Variants in ADH1C observed in about 807,000 individuals in gnomAD.
ADH1C encodes alcohol dehydrogenase 1C.
In ADH1C, 26 loss-of-function variants were observed where a neutral mutation model predicts 35.0. The ratio of observed to expected loss-of-function variants is 0.74; its 90% CI spans 0.54 to 1.03. The LOEUF is 1.03. ADH1C is among the 50% of genes least tolerant of loss of function. ADH1C has a pLI of 0.00. For missense variants in ADH1C, 413 were observed against 465.4 expected, an observed-to-expected ratio of 0.89 and a Z score of 1.04; for synonymous variants, 170 against 169.3, an observed-to-expected ratio of 1.00 and a Z score of -0.03.
chr4:99,338,862 A>T (rs1415695924), intron 8 of ADH1C, among the ~76,000 whole-genome samples: 2 of 151,768 alleles, frequency 1.3e-5, no homozygotes, highest in East Asian at 3.9e-4. Context: ...ATAACTGCCT[A>T]TTTCCAGTTA....
intron 1 of ADH1C, among the ~76,000 whole-genome samples, 171 bp from the exon 2 acceptor site, chr4:99,348,017 A>G (rs1466796335): frequency 6.6e-6 from 1 of 152,262 alleles, no homozygotes; most frequent in Non-Finnish European, 1.5e-5. Flanking sequence ...ATCTTTTAAA[A>G]AAGCAATAAC....
intron 1 of ADH1C, among the ~76,000 whole-genome samples, chr4:99,349,295 A>G (rs13125415): frequency 0.31 from 46,059 of 148,228 alleles, 8,432 homozygotes; most frequent in Non-Finnish European, 0.41. Context: ...ATCTTGAATT[A>G]ATTTTTGTAT....
intron 6 of ADH1C, among the ~76,000 whole-genome samples, chr4:99,342,221 A>G (rs1023421687): frequency 6.6e-6 from 1 of 152,126 alleles, no homozygotes; most frequent in Non-Finnish European, 1.5e-5. Flanking sequence ...CATTCAGTCC[A>G]AGTAATACTG....
chr4:99,347,119 G>A lies in ADH1C; in HGVS notation c.146C>T (p.Ser49Leu). 1 of 1,613,924 alleles carries A rather than the reference G, an allele frequency of 6.2e-7. No homozygotes were observed. Among genetic ancestry groups the A allele is most frequent in the Non-Finnish European group, 8.5e-7 (1 of 1,179,948 alleles). Reference sequence around the variant, plus strand: ...GTTGCCACTAACCACATGCTCATCTGAACGACAGATTCCTGCAGCCACCAT... The same window carrying A: ...GTTGCCACTAACCACATGCTCATCTAAACGACAGATTCCTGCAGCCACCAT... ...IKMVAAGICR[S>L]DEHVVSGNLV... is the part of the protein sequence containing the mutation. Residue 49 changes from serine (S) to leucine (L), a missense_variant, in exon 3 of 9, where the codon TCA (serine) becomes TTA (leucine). By Grantham distance (145) the Ser-to-Leu change is moderately radical. Coordinates refer to ENST00000515683, the MANE Select transcript of ADH1C (RefSeq NM_000669.5).
intron 8 of ADH1C, among the ~76,000 whole-genome samples, chr4:99,337,383 G>C (rs780459561): frequency 5.3e-5 from 8 of 152,042 alleles, no homozygotes; most frequent in Non-Finnish European, 1.2e-4. Context: ...GACCATGCTG[G>C]AGGTTTAATA....
chr4:99,352,330 A>G lies in ADH1C; in HGVS notation c.18+328T>C, dbSNP rs565299377. ...CTAACTTTAGGTTTACAAATCAGTC[A>G]TGATTAGCTTGGAATAAACTATCAC... is the stretch of plus-strand genomic sequence containing the variant. On this transcript the variant is annotated intron_variant, in intron 1 of 8. Coordinates refer to ENST00000515683, the MANE Select transcript of ADH1C (RefSeq NM_000669.5). 3.3e-5 allele frequency among the ~76,000 whole-genome samples: 5 copies of G among 152,342 alleles called. No homozygotes were observed. The East Asian group carries it at 7.7e-4, about 23-fold the overall frequency.
At chr4:99,339,512 G>GCACCCCCCCC (rs1203375085) in intron 8 of ADH1C, 65 bp downstream of exon 8, 1 of 687,674 alleles carries the variant, frequency 1.5e-6, no homozygotes, top group African/African-American at 2.0e-5. Context: ...GCTAGACAAC[G>GCACCCCCCCC]CCCCCCCCCC....
At chr4:99,349,805 C>CTG (rs70956001) in intron 1 of ADH1C, among the ~76,000 whole-genome samples, 15,651 of 84,374 alleles carry the variant, frequency 0.19, 915 homozygotes, top group Non-Finnish European at 0.29. Context: ...ATGTGTGTTT[C>CTG]TGTGTGTGTG....
At chr4:99,341,500 G>T (rs1734414442) in intron 6 of ADH1C, among the ~76,000 whole-genome samples, 1 of 152,168 alleles carries the variant, frequency 6.6e-6, no homozygotes, top group African/African-American at 2.4e-5. Context: ...AATGGAGGAA[G>T]ATATAGAAAA....
intron 5 of ADH1C, among the ~76,000 whole-genome samples, chr4:99,344,355 T>C (rs1734479270): frequency 6.6e-6 from 1 of 152,194 alleles, no homozygotes. Context: ...TTTATTACTT[T>C]CCGTCTAAGA....
intron 1 of ADH1C, among the ~76,000 whole-genome samples, chr4:99,348,891 T>G: frequency 6.6e-6 from 1 of 151,844 alleles, no homozygotes; most frequent in Non-Finnish European, 1.5e-5. Context: ...TGATGAACAT[T>G]TTTTCATGTG....
rs1206631658 is a variant in ADH1C at position 99,340,592 on chromosome 4, T to C, written c.947A>G (p.Lys316Arg). The C allele has an allele frequency of 1.9e-6, 3 of 1,614,150 alleles. No homozygotes were observed. Among genetic ancestry groups the C allele is most frequent in the Non-Finnish European group, 2.5e-6 (3 of 1,180,010 alleles). Residue 316 changes from lysine (K) to arginine (R), a missense_variant, in exon 7 of 9, where the codon AAA becomes AGA. Transcript: ENST00000515683. ...CTACATACCTCCAAAAATAGCTCCT[T>C]TCCACGTGCGTCCAGTCAGTAGCAG... is the stretch of plus-strand genomic sequence containing the variant. ...PMLLLTGRTW[K>R]GAIFGGFKSK... is the part of the protein sequence containing the mutation.
intron 7 of ADH1C, among the ~76,000 whole-genome samples, chr4:99,340,337 C>A (rs1251482000): frequency 6.6e-6 from 1 of 152,136 alleles, no homozygotes; most frequent in Non-Finnish European, 1.5e-5. Context: ...TCACTTGAAC[C>A]TGTGAGGTGG....
At chr4:99,347,436 G>T (rs1475327604) in intron 2 of ADH1C, among the ~76,000 whole-genome samples, 2 of 152,078 alleles carry the variant, frequency 1.3e-5, no homozygotes, top group African/African-American at 2.4e-5. Context: ...AAAAGAAGTA[G>T]AAATTGCAAA....
intron 6 of ADH1C, among the ~76,000 whole-genome samples, chr4:99,341,027 C>T (rs1418507216): frequency 6.6e-6 from 1 of 152,178 alleles, no homozygotes; most frequent in Non-Finnish European, 1.5e-5. Context: ...GTACATCATT[C>T]TTAGGCAATG....
In ADH1C at chr4:99,345,332, C is replaced by A. The variant is rs556714464; in HGVS notation, c.260-66G>T. ...AGGAATTAATAGAGCAAAAACTTAACGCTCACATGTATAGATTAGAATTAT... is the reference window on the plus strand; with the variant it reads ...AGGAATTAATAGAGCAAAAACTTAAAGCTCACATGTATAGATTAGAATTAT... On this transcript the variant is annotated intron_variant, in intron 3 of 8. Coordinates refer to ENST00000515683, the MANE Select transcript of ADH1C (RefSeq NM_000669.5). 27 of 1,422,600 alleles carry A rather than the reference C, an allele frequency of 1.9e-5. No individual in the cohort carries two copies. The Admixed American group carries it at 5.1e-4, about 27-fold the overall frequency. 88.1% of individuals were successfully genotyped at this position (1,422,600 alleles called of 1,614,324 possible).
At position 99,339,721 on chromosome 4, in the gene ADH1C, A is replaced by G; in HGVS notation, c.965-6T>C. ...AGATTCTTTACTCTTAAAGCCTGAA[A>G]AGAAGAAAATATCATTGATAGATTC... On this transcript the variant is annotated splice_region_variant and splice_polypyrimidine_tract_variant and intron_variant, in intron 7 of 8. Coordinates refer to ENST00000515683, the MANE Select transcript of ADH1C (RefSeq NM_000669.5). 1 of 1,602,256 alleles carries G rather than the reference A, an allele frequency of 6.2e-7. No individual in the cohort carries two copies. Among genetic ancestry groups the G allele is most frequent in the Non-Finnish European group, 8.5e-7 (1 of 1,176,728 alleles).
intron 8 of ADH1C, among the ~76,000 whole-genome samples, chr4:99,338,034 G>T (rs1016691950): frequency 6.6e-6 from 1 of 151,748 alleles, no homozygotes; most frequent in Admixed American, 6.6e-5. Flanking sequence ...AAATGGTATT[G>T]CTGGAACAAA....
intron 1 of ADH1C, chr4:99,350,938 G>A (rs905719924): frequency 1.3e-5 from 2 of 152,170 alleles, no homozygotes; most frequent in African/African-American, 4.8e-5. Flanking sequence ...AAGAGTTGGA[G>A]ACCAGCCTGA....
Sources: allele counts gnomAD v4.1 joint callset (sites outside exome capture counted in the v4.1 genomes callset), GRCh38; gene constraint gnomAD v4.1.1; transcripts MANE v1.5; gene names NCBI Gene and HGNC (gene_info 2026-07-23, HGNC 2026-07-21).